Variants in PITPNM2 observed in about 807,000 individuals in gnomAD.
PITPNM2 encodes the protein membrane-associated phosphatidylinositol transfer protein 2.
A neutral mutation model predicts 132.2 loss-of-function variants in PITPNM2; 35 were observed. The observed-to-expected ratio is 0.26, with a 90% confidence interval of 0.20 to 0.35. PITPNM2 has a LOEUF of 0.35. Ranked by LOEUF, PITPNM2 falls within the 10% of genes least tolerant of loss-of-function variation. The pLI is 1.00. For synonymous variants in PITPNM2, 738 were observed against 799.2 expected (o/e 0.92, Z 1.29); for missense variants, 1,332 against 1,912.0 (o/e 0.70, Z 5.66).
chr12:123,064,586 A>G lies in PITPNM2; in HGVS notation c.-95-29901T>C, dbSNP rs1262572926. ...CGGGAAGCTCTGCGCACAGCCCGCCACTTCCCTGCCAGGCTGACTGGGTCA... is the reference window on the plus strand; with the variant it reads ...CGGGAAGCTCTGCGCACAGCCCGCCGCTTCCCTGCCAGGCTGACTGGGTCA... On this transcript the variant is annotated intron_variant, in intron 2 of 25. Transcript: ENST00000320201. The surrounding 1 kb of genome is among the most constrained non-coding windows in gnomAD (Gnocchi z 4.0). Among the ~76,000 whole-genome samples the G allele has an allele frequency of 2.0e-5, 3 of 152,184 alleles. No homozygotes were observed. The highest frequency in any genetic ancestry group is 6.5e-5 in the Admixed American group (1 of 15,292).
rs1431994173 is a variant in PITPNM2 at position 123,108,234 on chromosome 12, T to C, written c.-96+2151A>G. On this transcript the variant is annotated intron_variant, in intron 2 of 25. Coordinates refer to ENST00000320201, the MANE Select transcript of PITPNM2 (RefSeq NM_020845.3). This position sits in a 1 kb window ranked among gnomAD's most constrained non-coding sequence, Gnocchi z 4.4. ...AATAAATACTTTATGGACAAATGAG[T>C]GGAGCAGAACAATTCCTGAAGACAT... is the stretch of plus-strand genomic sequence containing the variant. Among the ~76,000 whole-genome samples, 1 of 152,024 alleles carries C rather than the reference T, an allele frequency of 6.6e-6. No individual in the cohort carries two copies. The highest frequency in any genetic ancestry group is 1.5e-5 in the Non-Finnish European group (1 of 68,012).
rs1323100627 is a variant in PITPNM2 at position 122,983,680 on chromosome 12, G to A, written c.*2347C>T. On this transcript the variant is annotated 3_prime_UTR_variant, in exon 26 of 26. Coordinates refer to ENST00000320201, the MANE Select transcript of PITPNM2 (RefSeq NM_020845.3). ...AAGGCTGTGATGGGGTGGGCAGTGG[G>A]ACTCAGACCGAGCCAGGGAGGGGTG... 1 of 151,896 alleles carries A rather than the reference G, an allele frequency of 6.6e-6. No individual in the cohort carries two copies. Among genetic ancestry groups the A allele is most frequent in the Non-Finnish European group, 1.5e-5 (1 of 67,938 alleles). The allele number at this position is 151,896 out of a possible 1,614,324, so 9.4% of individuals were successfully genotyped here. A position where few individuals can be genotyped will look rare whatever the true frequency, so the allele number is the denominator to read the frequency against.
intron 16 of PITPNM2, chr12:122,991,792 G>T: frequency 2.3e-6 from 3 of 1,299,384 alleles, no homozygotes; most frequent in Non-Finnish European, 2.9e-6. Context: ...CTTGCCAGGT[G>T]GGCGCGGGAA....
At chr12:123,017,104 C>T (rs1428663674) in intron 3 of PITPNM2, among the ~76,000 whole-genome samples, 1 of 150,810 alleles carries the variant, frequency 6.6e-6, no homozygotes, top group Non-Finnish European at 1.5e-5. Flanking sequence ...GGCATGGTGG[C>T]TCACTCCTGT....
Position 123,111,456 on chromosome 12 carries a change from C to A in PITPNM2, c.-199-968G>T, listed in dbSNP as rs2042831848. ...CCAGTCCATGCCCGCTAGGGGCAAG[C>A]ACAGCCCTAACAAAGGGAAATGGAA... is the stretch of plus-strand genomic sequence containing the variant. On this transcript the variant is annotated intron_variant, in intron 1 of 25. Coordinates refer to ENST00000320201, the MANE Select transcript of PITPNM2 (RefSeq NM_020845.3). This position sits in a 1 kb window ranked among gnomAD's most constrained non-coding sequence, Gnocchi z 4.1. Among the ~76,000 whole-genome samples the A allele has an allele frequency of 6.6e-6, 1 of 152,240 alleles. No homozygotes were observed. Among genetic ancestry groups the A allele is most frequent in the African/African-American group, 2.4e-5 (1 of 41,464 alleles).
At chr12:123,074,432 A>T (rs950776196) in intron 2 of PITPNM2, among the ~76,000 whole-genome samples, 1 of 152,106 alleles carries the variant, frequency 6.6e-6, no homozygotes, top group African/African-American at 2.4e-5. Flanking sequence ...ACACACAGGC[A>T]CATATACATG....
At chr12:123,019,853 A>C (rs1267929572) in intron 3 of PITPNM2, among the ~76,000 whole-genome samples, 2 of 152,126 alleles carry the variant, frequency 1.3e-5, no homozygotes, top group Non-Finnish European at 2.9e-5. Context: ...GGAGGCCTTC[A>C]CTCAGCCTCA....
At chr12:122,991,850 A>C (rs1566232152) in intron 16 of PITPNM2, 2 of 1,306,616 alleles carry the variant, frequency 1.5e-6, no homozygotes. Context: ...GAGAGGGGCC[A>C]GGGGGCCGCC....
chr12:122,988,947 C>T (rs1387255201), intron 18 of PITPNM2, 75 bp from the exon 19 acceptor site: 1 of 1,437,958 alleles, frequency 7.0e-7, no homozygotes, highest in East Asian at 2.5e-5. Context: ...CCCGGCCCCT[C>T]TGGCCTGCTC....
At chr12:123,094,449 C>T (rs2042352293) in intron 2 of PITPNM2, among the ~76,000 whole-genome samples, 1 of 152,228 alleles carries the variant, frequency 6.6e-6, no homozygotes, top group Non-Finnish European at 1.5e-5. Flanking sequence ...TGCTTCCTGC[C>T]AGGCTTGTCC....
rs1012615182 is a variant in PITPNM2, at chr12:122,985,855, C to T, written c.*172G>A. On this transcript the variant is annotated 3_prime_UTR_variant, in exon 26 of 26. Transcript: ENST00000320201. ...CATGACAAGCCGGACCCGTCAGGCCCGAGGACGTGAGGCAGGGCAGGGAGC... is the reference window on the plus strand; with the variant it reads ...CATGACAAGCCGGACCCGTCAGGCCTGAGGACGTGAGGCAGGGCAGGGAGC... 7.6e-5 allele frequency: 45 copies of T among 591,018 alleles called. No homozygotes were observed. Among genetic ancestry groups the T allele is most frequent in the Non-Finnish European group, 1.0e-4 (39 of 385,514 alleles). 36.6% of individuals were successfully genotyped at this position (591,018 alleles called of 1,614,324 possible).
At chr12:123,131,382 G>A (rs2043258202) in intron 1 of PITPNM2, among the ~76,000 whole-genome samples, 1 of 152,224 alleles carries the variant, frequency 6.6e-6, no homozygotes. Context: ...CTAGGAGGGA[G>A]GCCGGGAACA....
In PITPNM2 at chr12:123,150,349, G is replaced by A. The variant is rs1473740748; in HGVS notation, c.-200+404C>T. ...AGGCGGGAAGCAGAGAAGGCGGGCC[G>A]GGGGCTCACCTCCGCTTCCTCCCGA... On this transcript the variant is annotated intron_variant, in intron 1 of 25. Transcript: ENST00000320201. This position sits in a 1 kb window ranked among gnomAD's most constrained non-coding sequence, Gnocchi z 6.0. Among the ~76,000 whole-genome samples the A allele has an allele frequency of 6.6e-6, 1 of 152,128 alleles. No individual in the cohort carries two copies. The highest frequency in any genetic ancestry group is 2.4e-5 in the African/African-American group (1 of 41,438).
chr12:122,987,899 G>T lies in PITPNM2; in HGVS notation c.3000C>A (p.Asn1000Lys). The T allele has an allele frequency of 1.2e-6, 2 of 1,609,512 alleles. No individual in the cohort carries two copies. The highest frequency in any genetic ancestry group is 1.7e-6 in the Non-Finnish European group (2 of 1,177,534). Residue 1000 changes from asparagine (N) to lysine (K), a missense_variant and splice_region_variant, in exon 21 of 26, where the codon AAC becomes AAA. Around this residue, in one of 6 missense-constraint regions of PITPNM2, gnomAD observed 251 missense variants for 472.0 expected, o/e 0.53. Coordinates refer to ENST00000320201, the MANE Select transcript of PITPNM2 (RefSeq NM_020845.3). Reference protein sequence around the residue: ...QRKRTHVKLRNVTANHRINDA... With the variant: ...QRKRTHVKLRKVTANHRINDA... ...CATTGATCCGGTGGTTGGCCGTCAC[G>T]TTCTGTGGAGGGAGTGGCAAGCCCA...
At chr12:123,029,827 C>CTA (rs777725370) in intron 3 of PITPNM2, among the ~76,000 whole-genome samples, 4 of 135,488 alleles carry the variant, frequency 3.0e-5, no homozygotes, top group Non-Finnish European at 6.1e-5. Context: ...ACATATGTGT[C>CTA]TGTGTGTGTG....
intron 1 of PITPNM2, among the ~76,000 whole-genome samples, chr12:123,124,123 G>A (rs11835555): frequency 0.033 from 5,023 of 151,964 alleles, 276 homozygotes; most frequent in African/African-American, 0.11. Flanking sequence ...TGGCGTGGTG[G>A]CAGATGCCTG....
rs1166232405 is a variant in PITPNM2 at position 123,004,505 on chromosome 12, C to T, written c.953-16G>A. ...GAAGGACTCGCTGGAAGGCAAAACC[C>T]CAGATTGACCGCCAACTGGAGAGGA... On this transcript the variant is annotated splice_polypyrimidine_tract_variant and intron_variant, in intron 7 of 25. Transcript: ENST00000320201. This position sits in a 1 kb window ranked among gnomAD's most constrained non-coding sequence, Gnocchi z 4.9. The T allele has an allele frequency of 1.2e-6, 2 of 1,612,744 alleles. No homozygotes were observed. The highest frequency in any genetic ancestry group is 1.3e-5 in the African/African-American group (1 of 74,938).
intron 3 of PITPNM2, among the ~76,000 whole-genome samples, chr12:123,027,942 C>T (rs2039925169): frequency 6.6e-6 from 1 of 152,248 alleles, no homozygotes; most frequent in Non-Finnish European, 1.5e-5. Context: ...TCTCGAATCA[C>T]TCTGATCTCT....
At chr12:123,096,107 T>A (rs532878262) in intron 2 of PITPNM2, among the ~76,000 whole-genome samples, 81 of 152,350 alleles carry the variant, frequency 5.3e-4, no homozygotes, top group Non-Finnish European at 1.0e-3. Flanking sequence ...CCCCGTGGCT[T>A]GTCCCCTGAA....
Sources: allele counts gnomAD v4.1 joint callset (sites outside exome capture counted in the v4.1 genomes callset), GRCh38; gene constraint gnomAD v4.1.1; regional missense constraint gnomAD v4.1.1; non-coding constraint Gnocchi (gnomAD v3.1); transcripts MANE v1.5; gene names NCBI Gene and HGNC (gene_info 2026-07-23, HGNC 2026-07-21).